Variants in LDLRAD4 observed in about 807,000 individuals in gnomAD.
LDLRAD4 encodes the protein low density lipoprotein receptor class A domain containing 4.
LDLRAD4 carries 5 observed loss-of-function variants against 17.0 expected under a neutral mutation model. The ratio of observed to expected loss-of-function variants is 0.29; its 90% CI spans 0.15 to 0.62. LDLRAD4 has a LOEUF of 0.62. Among genes scored for constraint, LDLRAD4 ranks in the 20% least tolerant of loss-of-function variants. The pLI is 0.84. For synonymous variants in LDLRAD4, 168 were observed against 171.8 expected (o/e 0.98, Z 0.17); for missense variants, 340 against 424.7 (o/e 0.80, Z 1.75).
At chr18:13,291,186 G>A (rs979768234) in intron 1 of LDLRAD4, among the ~76,000 whole-genome samples, 2 of 152,200 alleles carry the variant, frequency 1.3e-5, no homozygotes, top group South Asian at 2.1e-4. Context: ...TTCCCCAGCC[G>A]GTCTGTTTGC....
At chr18:13,524,204 T>C (rs909710913) in intron 3 of LDLRAD4, among the ~76,000 whole-genome samples, 11 of 152,318 alleles carry the variant, frequency 7.2e-5, no homozygotes, top group African/African-American at 2.2e-4. Flanking sequence ...TGCTGCATGA[T>C]AGAGAAGAAC....
At chr18:13,604,992 C>G (rs34583826) in intron 3 of LDLRAD4, among the ~76,000 whole-genome samples, 54,086 of 151,976 alleles carry the variant, frequency 0.36, 10,088 homozygotes, top group Middle Eastern at 0.42. Context: ...TCTCAAGGAA[C>G]AGGAAGGCCG....
intron 2 of LDLRAD4, chr18:13,419,921 T>C (rs1272999969): frequency 6.6e-6 from 1 of 152,316 alleles, no homozygotes; most frequent in East Asian, 1.9e-4. Flanking sequence ...CAGGAATAAA[T>C]CATGCCAAGA....
exon 6 of LDLRAD4, chr18:13,646,116 A>C (rs1002128088): frequency 1.3e-5 from 2 of 153,656 alleles, no homozygotes; most frequent in Non-Finnish European, 2.9e-5. Context: ...TAAGGTGTGG[A>C]ACTTTTATTT....
intron 3 of LDLRAD4, among the ~76,000 whole-genome samples, chr18:13,501,956 A>G (rs187092652): frequency 6.6e-6 from 1 of 152,350 alleles, no homozygotes; most frequent in East Asian, 1.9e-4. Context: ...CTTTTACTCC[A>G]CTGGCTTCAG....
chr18:13,375,165 T>G (rs906315077), intron 1 of LDLRAD4, among the ~76,000 whole-genome samples: 1 of 152,122 alleles, frequency 6.6e-6, no homozygotes, highest in Non-Finnish European at 1.5e-5. Flanking sequence ...TTTGCCCAAG[T>G]TTACCTCTAG....
intron 1 of LDLRAD4, among the ~76,000 whole-genome samples, chr18:13,225,949 G>A (rs566953189): frequency 1.3e-5 from 2 of 151,728 alleles, no homozygotes; most frequent in African/African-American, 2.4e-5. Context: ...GGCTGTTACC[G>A]GTTTTCTCTG....
At position 13,298,860 on chromosome 18, in the gene LDLRAD4, C is replaced by T. The variant is rs1343693480; in HGVS notation, c.-383+20672C>T. Among the ~76,000 whole-genome samples the T allele has an allele frequency of 2.0e-5, 3 of 152,204 alleles. No individual in the cohort carries two copies. In the East Asian group the frequency reaches 5.8e-4, roughly 29 times the overall value. ...TGGGCCTTGCCACACTCTGGGAAAG[C>T]AGGCATCCATACGTCATGCGTAGTC... On this transcript the variant is annotated intron_variant, in intron 1 of 5. Transcript: ENST00000359446.
At chr18:13,512,933 C>T (rs1266545542) in intron 3 of LDLRAD4, among the ~76,000 whole-genome samples, 2 of 152,190 alleles carry the variant, frequency 1.3e-5, no homozygotes, top group Non-Finnish European at 2.9e-5. Context: ...ATCCTGTCTT[C>T]TCTCACTGCC....
rs867464295 is a variant in LDLRAD4 at position 13,610,294 on chromosome 18, T to A, written c.182-10823T>A. On this transcript the variant is annotated intron_variant, in intron 3 of 5. Coordinates refer to ENST00000359446, the Ensembl canonical transcript of LDLRAD4. The stretch of plus-strand genomic sequence containing the variant: ...TTTTTTTTTTTTTTTTTTTTTTTTT[T>A]TTTTTTTTTTTGAGACGGAGTCTCA... Among the ~76,000 whole-genome samples, 10 of 71,256 alleles carry A rather than the reference T, an allele frequency of 1.4e-4. 3 individuals carry two copies. The highest frequency in any genetic ancestry group is 1.0e-3 in the East Asian group (3 of 2,940). The allele number at this position is 71,256 out of a possible 152,430, so 46.7% of individuals were successfully genotyped here.
intron 1 of LDLRAD4, among the ~76,000 whole-genome samples, chr18:13,386,891 C>CATAGATAGATAGATAG (rs71174169): frequency 6.8e-6 from 1 of 146,792 alleles, no homozygotes; most frequent in African/African-American, 2.6e-5. Context: ...CCCTGTCATT[C>CATAGATAGATAGATAG]ATAGATAGAT....
rs1185430400 is a variant in LDLRAD4, at chr18:13,620,959, C to A, written c.182-158C>A. 4 of 1,070,952 alleles carry A rather than the reference C, an allele frequency of 3.7e-6. No homozygotes were observed. In the Admixed American group the frequency reaches 7.9e-5, roughly 21 times the overall value. 66.3% of individuals were successfully genotyped at this position (1,070,952 alleles called of 1,614,324 possible). ...CGACTGTGCCGTGGTGTCTCCTTCC[C>A]TAAAGTGGGACAGTCGTTTCTGTGT... On this transcript the variant is annotated intron_variant, in intron 3 of 5. Coordinates refer to ENST00000359446, the Ensembl canonical transcript of LDLRAD4.
chr18:13,374,342 C>T lies in LDLRAD4; in HGVS notation c.-382-12999C>T, dbSNP rs138212447. On this transcript the variant is annotated intron_variant, in intron 1 of 5. Transcript: ENST00000359446. ...TGCAGGCTGCCGATGGGAGCAAGCT[C>T]TCATGCAGGAGTGGCTGTCTGTCCA... Among the ~76,000 whole-genome samples the T allele has an allele frequency of 4.5e-4, 69 of 152,348 alleles. 2 individuals carry two copies. In the East Asian group the frequency reaches 0.012, roughly 26 times the overall value.
At chr18:13,545,577 C>A (rs1176671850) in intron 3 of LDLRAD4, among the ~76,000 whole-genome samples, 1 of 152,168 alleles carries the variant, frequency 6.6e-6, no homozygotes, top group African/African-American at 2.4e-5. Flanking sequence ...CTGAGGCCAG[C>A]AGTAGCTCTG....
intron 1 of LDLRAD4, among the ~76,000 whole-genome samples, chr18:13,344,275 A>G (rs370884753): frequency 3.9e-5 from 6 of 152,074 alleles, no homozygotes; most frequent in African/African-American, 1.2e-4. Flanking sequence ...TGTAAGGAAG[A>G]GATCCAGTTT....
At chr18:13,626,767 G>A (rs375814446) in intron 4 of LDLRAD4, among the ~76,000 whole-genome samples, 48 of 152,356 alleles carry the variant, frequency 3.2e-4, no homozygotes, top group African/African-American at 1.0e-3. Flanking sequence ...GACACTGGGA[G>A]GGGCCCTGGC....
At chr18:13,559,908 C>G (rs1205807571) in intron 3 of LDLRAD4, among the ~76,000 whole-genome samples, 1 of 65,462 alleles carries the variant, frequency 1.5e-5, no homozygotes, top group Non-Finnish European at 4.2e-5. Flanking sequence ...ACTTTGCTGC[C>G]CCTGACCAAG....
chr18:13,265,362 G>A (rs923015674), intron 1 of LDLRAD4, among the ~76,000 whole-genome samples: 7 of 152,138 alleles, frequency 4.6e-5, no homozygotes, highest in African/African-American at 1.7e-4. Context: ...CCTGGACGGG[G>A]TCTCTGTCTC....
chr18:13,588,064 G>A (rs184811147), intron 3 of LDLRAD4, among the ~76,000 whole-genome samples: 12 of 152,206 alleles, frequency 7.9e-5, no homozygotes, highest in Admixed American at 2.6e-4. Context: ...AGGATGTGGT[G>A]CTGAGATTAT....
Sources: allele counts gnomAD v4.1 joint callset (sites outside exome capture counted in the v4.1 genomes callset), GRCh38; gene constraint gnomAD v4.1.1; transcripts MANE v1.5; gene names NCBI Gene and HGNC (gene_info 2026-07-23, HGNC 2026-07-21).